Variants in PSD3 observed in about 807,000 individuals in gnomAD.
PSD3 encodes the protein pleckstrin and Sec7 domain containing 3, also known as PH and SEC7 domain-containing protein 3.
A neutral mutation model predicts 105.5 loss-of-function variants in PSD3; 49 were observed. The ratio of observed to expected loss-of-function variants is 0.46; its 90% CI spans 0.37 to 0.59. The LOEUF is 0.59. Among genes scored for constraint, PSD3 ranks in the 20% least tolerant of loss-of-function variants. The probability of loss-of-function intolerance (pLI) is 0.00; values close to 1 mark genes in which losing one functional copy is unlikely to be tolerated. For synonymous variants in PSD3, 557 were observed against 457.8 expected, an observed-to-expected ratio of 1.22 and a Z score of -2.77; for missense variants, 1,561 against 1,263.8, an observed-to-expected ratio of 1.24 and a Z score of -3.57.
chr8:18,724,642 A>T (rs1242697768), intron 9 of PSD3, among the ~76,000 whole-genome samples: 3 of 152,030 alleles, frequency 2.0e-5, no homozygotes, highest in Non-Finnish European at 4.4e-5. Flanking sequence ...AAAAATAAAA[A>T]TAAAATAATT....
At chr8:18,607,504 T>C (rs569176218) in intron 11 of PSD3, among the ~76,000 whole-genome samples, 9 of 152,108 alleles carry the variant, frequency 5.9e-5, no homozygotes, top group East Asian at 1.9e-4. Context: ...TGTTTCTCCA[T>C]AGCACTGGGC....
chr8:18,799,510 T>C (rs1810497783), intron 7 of PSD3, among the ~76,000 whole-genome samples, 157 bp from the exon 8 acceptor site: 1 of 152,200 alleles, frequency 6.6e-6, no homozygotes, highest in Admixed American at 6.5e-5. Context: ...ATAAGAATAA[T>C]TTATAGAAAG....
chr8:18,951,364 C>T (rs562786980), intron 1 of PSD3, among the ~76,000 whole-genome samples: 4 of 152,090 alleles, frequency 2.6e-5, no homozygotes, highest in African/African-American at 9.6e-5. Flanking sequence ...ATCACACCAC[C>T]GCACTTCAGC....
intron 9 of PSD3, among the ~76,000 whole-genome samples, chr8:18,751,291 A>G (rs1805471328): frequency 6.6e-6 from 1 of 152,214 alleles, no homozygotes; most frequent in Non-Finnish European, 1.5e-5. Flanking sequence ...CCGGGTGCTA[A>G]GCCCCTCACT....
chr8:18,811,136 G>A (rs192100633), intron 4 of PSD3, among the ~76,000 whole-genome samples: 151 of 152,300 alleles, frequency 9.9e-4, no homozygotes, highest in African/African-American at 3.5e-3. Context: ...ACAATGGTTA[G>A]GCATTTACTA....
intron 9 of PSD3, among the ~76,000 whole-genome samples, chr8:18,707,561 G>C (rs1466579750): frequency 6.6e-6 from 1 of 152,074 alleles, no homozygotes; most frequent in Non-Finnish European, 1.5e-5. Flanking sequence ...AAAACAAAAA[G>C]TGCAAGACTA....
At chr8:18,814,908 G>A (rs777642053) in intron 4 of PSD3, among the ~76,000 whole-genome samples, 28 of 152,114 alleles carry the variant, frequency 1.8e-4, no homozygotes, top group Non-Finnish European at 3.1e-4. Flanking sequence ...AGCAAAAGGC[G>A]GCACAAAGCA....
intron 1 of PSD3, among the ~76,000 whole-genome samples, chr8:19,054,522 T>G (rs1298071597): frequency 6.6e-6 from 1 of 152,186 alleles, no homozygotes; most frequent in African/African-American, 2.4e-5. Context: ...CATCTTGTCA[T>G]GGATTCAACT....
At chr8:18,926,327 A>G (rs2129467946) in intron 2 of PSD3, among the ~76,000 whole-genome samples, 1 of 151,412 alleles carries the variant, frequency 6.6e-6, no homozygotes, top group African/African-American at 2.4e-5. Flanking sequence ...TTATAATTAT[A>G]TAATTATAAT....
At chr8:19,025,195 A>G (rs1041567196) in intron 1 of PSD3, among the ~76,000 whole-genome samples, 2 of 150,502 alleles carry the variant, frequency 1.3e-5, no homozygotes, top group Non-Finnish European at 3.0e-5. Context: ...ACACTCATTA[A>G]CACCCTAAAT....
chr8:19,033,435 T>C (rs1827837886), intron 1 of PSD3, among the ~76,000 whole-genome samples: 1 of 152,220 alleles, frequency 6.6e-6, no homozygotes, highest in Non-Finnish European at 1.5e-5. Context: ...CTTTTGATTC[T>C]CTCTAAGAAT....
At chr8:18,740,923 T>G (rs1318167899) in intron 9 of PSD3, among the ~76,000 whole-genome samples, 1 of 152,120 alleles carries the variant, frequency 6.6e-6, no homozygotes, top group Non-Finnish European at 1.5e-5. Flanking sequence ...TTTCTCTGAG[T>G]GTGGATTAAC....
At chr8:18,844,316 T>G (rs1254894285) in intron 4 of PSD3, among the ~76,000 whole-genome samples, 2 of 152,192 alleles carry the variant, frequency 1.3e-5, no homozygotes, top group Non-Finnish European at 2.9e-5. Context: ...CAAATTGATC[T>G]TTTCCCTGTT....
At position 18,535,933 on chromosome 8, in the gene PSD3, C is replaced by T. The variant is rs1230576872; in HGVS notation, c.2954G>A (p.Ser985Asn). The change falls in exon 16 of 16, where the codon AGC becomes AAC. Residue 985 changes from serine to asparagine, a missense_variant. Coordinates refer to ENST00000327040, the MANE Select transcript of PSD3 (RefSeq NM_015310.4). ...CTCTTTGCCTCCTTCCTTGAGAATG[C>T]TGACATACATTTCATAGCGGGTTTT... ...FEKTRYEMYV[S>N]ILKEGGKELL... 6.2e-7 allele frequency: 1 copy of T among 1,614,154 alleles called. No individual in the cohort carries two copies. Among genetic ancestry groups the T allele is most frequent in the Non-Finnish European group, 8.5e-7 (1 of 1,180,018 alleles).
intron 1 of PSD3, among the ~76,000 whole-genome samples, chr8:18,988,145 T>C (rs996443475): frequency 6.6e-6 from 1 of 151,582 alleles, no homozygotes; most frequent in African/African-American, 2.4e-5. Flanking sequence ...ATAAGTTAGG[T>C]GTATAAAGGA....
At chr8:19,064,897 C>T (rs1829025700) in intron 1 of PSD3, among the ~76,000 whole-genome samples, 3 of 152,140 alleles carry the variant, frequency 2.0e-5, no homozygotes, top group Admixed American at 1.3e-4. Flanking sequence ...ATTAAATAAA[C>T]TTCATAGGAG....
intron 8 of PSD3, among the ~76,000 whole-genome samples, chr8:18,780,746 G>C (rs951515373): frequency 2.0e-5 from 3 of 152,022 alleles, no homozygotes; most frequent in Non-Finnish European, 2.9e-5. Context: ...AGTAGAGACG[G>C]GGTTTCACTG....
At chr8:18,929,578 T>C (rs1372932397) in intron 2 of PSD3, among the ~76,000 whole-genome samples, 1 of 151,834 alleles carries the variant, frequency 6.6e-6, no homozygotes, top group Non-Finnish European at 1.5e-5. Flanking sequence ...TAGAAACCCA[T>C]TCCAGCCCTC....
chr8:18,774,798 G>C (rs555347214), intron 8 of PSD3: 164 of 439,092 alleles, frequency 3.7e-4, no homozygotes, highest in South Asian at 2.5e-3. Context: ...GAACTGGAAT[G>C]TCGGGCACCT....
Sources: gnomAD v4.1 joint callset for allele counts (sites outside exome capture counted in the v4.1 genomes callset) on GRCh38, gnomAD v4.1.1 for gene constraint, MANE v1.5 for transcripts, NCBI Gene and HGNC (gene_info 2026-07-23, HGNC 2026-07-21) for gene names.